The following WDR19 variants were observed in gnomAD, a reference collection of about 807,000 sequenced individuals.
WDR19 encodes WD repeat-containing protein 19.
A neutral mutation model predicts 180.0 loss-of-function variants in WDR19; 121 were observed. The observed-to-expected ratio is 0.67, with a 90% CI of 0.58 to 0.78. The LOEUF (loss-of-function observed/expected upper bound fraction) is 0.78, where lower values mean the gene tolerates loss of function less well. Among genes scored for constraint, WDR19 ranks in the 30% least tolerant of loss-of-function variants. WDR19 has a pLI of 0.00. For missense variants in WDR19, 1,450 were observed against 1,640.7 expected (o/e 0.88, Z 2.01); for synonymous variants, 497 against 540.7 (o/e 0.92, Z 1.12).
intron 24 of WDR19, among the ~76,000 whole-genome samples, chr4:39,250,933 C>T (rs538038923): frequency 3.1e-4 from 47 of 152,232 alleles, no homozygotes; most frequent in Middle Eastern, 3.4e-3. Context: ...GCCATACTGC[C>T]GAAGGTAATT....
chr4:39,232,323 A>T (rs371688330), intron 19 of WDR19, 51 bp downstream of exon 19: 5 of 1,458,890 alleles, frequency 3.4e-6, no homozygotes, highest in Non-Finnish European at 4.7e-6. Flanking sequence ...CCAGTGGGGA[A>T]ATGGGGGAAA....
In WDR19 at chr4:39,253,143, CA is replaced by C; in HGVS notation, c.2730-2del. The C allele has an allele frequency of 6.4e-7, 1 of 1,565,096 alleles. No homozygotes were observed. The highest frequency in any genetic ancestry group is 2.3e-5 in the East Asian group (1 of 43,140). On this transcript the variant is annotated splice_acceptor_variant, in intron 24 of 36. Coordinates refer to ENST00000399820, the MANE Select transcript of WDR19 (RefSeq NM_025132.4). LOFTEE classifies it high-confidence loss of function. ...AAAGTTTATCTGAGCTATTTTTTTA[CA>C]GATACAAAGAAGCTGTTGTAGCTTA...
chr4:39,242,910 C>T (rs1289847022), intron 21 of WDR19, among the ~76,000 whole-genome samples: 3 of 151,974 alleles, frequency 2.0e-5, no homozygotes, highest in Admixed American at 6.6e-5. Context: ...TCAAGTGATC[C>T]GCCCACCTCA....
At chr4:39,281,822 C>T (rs147585157) in intron 36 of WDR19, among the ~76,000 whole-genome samples, 30 of 152,230 alleles carry the variant, frequency 2.0e-4, no homozygotes, top group African/African-American at 6.0e-4. Flanking sequence ...AAATCTTATC[C>T]GAAGTCTTTT....
chr4:39,241,806 A>AAG (rs1553912730), intron 21 of WDR19, among the ~76,000 whole-genome samples: 1 of 151,472 alleles, frequency 6.6e-6, no homozygotes, highest in Non-Finnish European at 1.5e-5. Context: ...AAAAAAAAAA[A>AAG]AAAGAAAGAA....
At chr4:39,186,685 A>C in intron 3 of WDR19, 81 bp downstream of exon 3, 1 of 915,158 alleles carries the variant, frequency 1.1e-6, no homozygotes, top group Non-Finnish European at 1.6e-6. Flanking sequence ...TAAAATTATA[A>C]TCAGATGGAA....
intron 14 of WDR19, among the ~76,000 whole-genome samples, chr4:39,221,261 C>T (rs141043888): frequency 1.3e-5 from 2 of 152,124 alleles, no homozygotes; most frequent in East Asian, 1.9e-4. Flanking sequence ...CTATAAAATA[C>T]ACAGGGAAAT....
intron 19 of WDR19, among the ~76,000 whole-genome samples, chr4:39,234,265 A>G (rs1261570726): frequency 6.6e-6 from 1 of 152,214 alleles, no homozygotes; most frequent in East Asian, 1.9e-4. Context: ...CCAGGCAGAG[A>G]AAAAAGACCA....
chr4:39,184,998 A>G (rs1307777772), intron 1 of WDR19, among the ~76,000 whole-genome samples: 2 of 152,226 alleles, frequency 1.3e-5, no homozygotes, highest in Non-Finnish European at 2.9e-5. Context: ...TTATTTCAAC[A>G]TGTAATCAAT....
At chr4:39,212,795 A>C (rs1728686452) in intron 9 of WDR19, among the ~76,000 whole-genome samples, 1 of 152,222 alleles carries the variant, frequency 6.6e-6, no homozygotes, top group Non-Finnish European at 1.5e-5. Context: ...ACCCAACACT[A>C]TGTTGATACT....
intron 5 of WDR19, among the ~76,000 whole-genome samples, chr4:39,196,733 G>A (rs1362397546): frequency 6.6e-6 from 1 of 152,156 alleles, no homozygotes; most frequent in African/African-American, 2.4e-5. Flanking sequence ...TCTCACCCAG[G>A]ATAAAAGCAA....
At chr4:39,238,265 T>C (rs1731570468) in intron 20 of WDR19, among the ~76,000 whole-genome samples, 1 of 152,208 alleles carries the variant, frequency 6.6e-6, no homozygotes. Context: ...TGTTTCATTA[T>C]GCATCCAAGA....
At chr4:39,202,535 G>A (rs185611580) in intron 6 of WDR19, among the ~76,000 whole-genome samples, 1 of 151,960 alleles carries the variant, frequency 6.6e-6, no homozygotes, top group East Asian at 1.9e-4. Context: ...TATTCTGTTG[G>A]TGAAACTGTA....
chr4:39,211,960 AGAGAGAGAGAGAGAG>A (rs1728570224), intron 9 of WDR19, among the ~76,000 whole-genome samples: 1 of 150,314 alleles, frequency 6.7e-6, no homozygotes, highest in South Asian at 2.1e-4. Flanking sequence ...AGAGAGAGAG[AGAGAGAGAGAGAGAG>A]AGAGAGAGAG....
At chr4:39,235,958 G>A (rs1731332329) in intron 20 of WDR19, among the ~76,000 whole-genome samples, 1 of 152,110 alleles carries the variant, frequency 6.6e-6, no homozygotes, top group Admixed American at 6.6e-5. Context: ...AGTCAGAATA[G>A]CTATTATTAA....
At chr4:39,187,362 G>T (rs950515651) in intron 3 of WDR19, among the ~76,000 whole-genome samples, 1 of 150,172 alleles carries the variant, frequency 6.7e-6, no homozygotes, top group Non-Finnish European at 1.5e-5. Flanking sequence ...GGAGGTTGCA[G>T]TGAGCCGAGA....
At chr4:39,249,017 A>G (rs1340883364) in intron 24 of WDR19, among the ~76,000 whole-genome samples, 2 of 152,244 alleles carry the variant, frequency 1.3e-5, no homozygotes, top group Non-Finnish European at 2.9e-5. Context: ...ATAGACATCT[A>G]CAGAACTCTC....
At chr4:39,216,713 G>A (rs1260209757) in intron 12 of WDR19, among the ~76,000 whole-genome samples, 1 of 152,104 alleles carries the variant, frequency 6.6e-6, no homozygotes, top group Non-Finnish European at 1.5e-5. Flanking sequence ...AGCATGTGAG[G>A]AAAACCTTGT....
At chr4:39,232,111 A>T (rs1421455578) in intron 18 of WDR19, 51 bp from the exon 19 acceptor site, 2 of 1,569,250 alleles carry the variant, frequency 1.3e-6, no homozygotes, top group East Asian at 4.5e-5. Context: ...AAAAAAAAAA[A>T]AAGTTAAACT....
Sources: gnomAD v4.1 joint callset for allele counts (sites outside exome capture counted in the v4.1 genomes callset) on GRCh38, gnomAD v4.1.1 for gene constraint, MANE v1.5 for transcripts, NCBI Gene and HGNC (gene_info 2026-07-23, HGNC 2026-07-21) for gene names.